The following TMC2 variants were observed in gnomAD, a reference collection of about 807,000 sequenced individuals.
TMC2 encodes transmembrane channel like 2, also known as transmembrane channel-like protein 2.
TMC2 carries 102 observed loss-of-function variants against 105.9 expected under a neutral mutation model. The ratio of observed to expected loss-of-function variants is 0.96; its 90% CI spans 0.82 to 1.14. The LOEUF (loss-of-function observed/expected upper bound fraction) is 1.14. Among genes scored for constraint, TMC2 ranks in the 50% most tolerant of loss-of-function variants. TMC2 has a pLI of 0.00. For missense variants in TMC2, 1,093 were observed against 1,134.3 expected (o/e 0.96, Z 0.52); for synonymous variants, 402 against 422.8 (o/e 0.95, Z 0.60).
intron 13 of TMC2, 84 bp downstream of exon 13, chr20:2,612,424 A>C: frequency 7.7e-7 from 1 of 1,302,408 alleles, no homozygotes; most frequent in Non-Finnish European, 1.0e-6. Context: ...TTGAGGAATA[A>C]CCCTGAAAAC....
chr20:2,569,313 G>T (rs1382688579), intron 4 of TMC2, among the ~76,000 whole-genome samples: 1 of 152,202 alleles, frequency 6.6e-6, no homozygotes, highest in Non-Finnish European at 1.5e-5. Context: ...TGATTCATTT[G>T]TTTCTCATCC....
At chr20:2,619,609 G>A (rs2086510204) in intron 16 of TMC2, among the ~76,000 whole-genome samples, 1 of 152,190 alleles carries the variant, frequency 6.6e-6, no homozygotes, top group South Asian at 2.1e-4. Context: ...AGGGATGTTA[G>A]CAGGAGTGTT....
At chr20:2,601,335 A>G (rs1431988921) in intron 10 of TMC2, among the ~76,000 whole-genome samples, 1 of 152,272 alleles carries the variant, frequency 6.6e-6, no homozygotes, top group Non-Finnish European at 1.5e-5. Context: ...GAGAGACCAT[A>G]TGACCAGCAA....
chr20:2,550,558 A>G (rs2085950755), intron 2 of TMC2, among the ~76,000 whole-genome samples: 1 of 152,180 alleles, frequency 6.6e-6, no homozygotes, highest in Non-Finnish European at 1.5e-5. Flanking sequence ...TGACAAATGC[A>G]TAATATATCA....
intron 16 of TMC2, among the ~76,000 whole-genome samples, chr20:2,622,527 G>A (rs1281487023): frequency 3.3e-5 from 5 of 152,036 alleles, no homozygotes; most frequent in African/African-American, 1.2e-4. Flanking sequence ...AATTAGCCGG[G>A]CGTAGTGGTG....
chr20:2,634,263 C>T (rs1368149901), intron 17 of TMC2, among the ~76,000 whole-genome samples: 4 of 152,188 alleles, frequency 2.6e-5, no homozygotes, highest in Non-Finnish European at 1.5e-5. Context: ...TCTGCAATGG[C>T]GCCTCTCCTT....
intron 11 of TMC2, among the ~76,000 whole-genome samples, chr20:2,605,111 T>A (rs1371420571): frequency 1.3e-5 from 2 of 152,188 alleles, no homozygotes; most frequent in African/African-American, 4.8e-5. Context: ...CTGTGGAGTC[T>A]GTGCTCACTC....
rs944567963 is a variant in TMC2 at position 2,561,861 on chromosome 20, A to T, written c.405A>T (p.Ser135=). Residue 135 remains serine, a synonymous_variant, in exon 4 of 20, where the codon TCA becomes TCT. Transcript: ENST00000358864. ...TCCGCCCTGGCTCTGCCTCCAGGTC[A>T]TCCTCCTTGGCCTCCAGTGCCTCTG... The part of the protein sequence containing the change: ...EKSKRQKKPR[S]SSLASSASGG... 13 of 1,613,072 alleles carry T rather than the reference A, an allele frequency of 8.1e-6. No individual in the cohort carries two copies. Among genetic ancestry groups the T allele is most frequent in the Middle Eastern group, 1.7e-4 (1 of 6,040 alleles).
At chr20:2,609,133 T>A (rs1380080505) in intron 11 of TMC2, among the ~76,000 whole-genome samples, 4 of 151,918 alleles carry the variant, frequency 2.6e-5, no homozygotes, top group African/African-American at 9.7e-5. Flanking sequence ...AGCAATGGAG[T>A]CAGGATTAGG....
chr20:2,538,560 C>T (rs944752913), intron 2 of TMC2, among the ~76,000 whole-genome samples: 11 of 152,296 alleles, frequency 7.2e-5, no homozygotes, highest in African/African-American at 2.6e-4. Flanking sequence ...CCGTCCCTTC[C>T]GCACCCAGCC....
chr20:2,552,805 C>T (rs556939346), intron 2 of TMC2, among the ~76,000 whole-genome samples: 2 of 152,092 alleles, frequency 1.3e-5, no homozygotes, highest in South Asian at 2.1e-4. Flanking sequence ...CATGAGCCAC[C>T]GTGACCTGCC....
chr20:2,600,986 G>GAA (rs55710696), intron 10 of TMC2, among the ~76,000 whole-genome samples: 33 of 90,546 alleles, frequency 3.6e-4, no homozygotes, highest in South Asian at 1.1e-3. Flanking sequence ...GACTGTCTCA[G>GAA]AAAAAAAAAA....
At position 2,579,165 on chromosome 20, in the gene TMC2, G is replaced by T; in HGVS notation, c.665G>T (p.Arg222Ile). ...TTTCAGAAATGGGTCAAATTTAAGA[G>T]AGACTTTGATAATTTCAAGACTCAA... is the stretch of plus-strand genomic sequence containing the variant. ...LMAKKWVKFK[R>I]DFDNFKTQCI... is the part of the protein sequence containing the mutation. Residue 222 changes from arginine to isoleucine, a missense_variant, in exon 6 of 20, where the codon AGA becomes ATA. Transcript: ENST00000358864. The T allele has an allele frequency of 6.3e-7, 1 of 1,592,288 alleles. No homozygotes were observed.
chr20:2,581,060 C>T (rs989901720), intron 7 of TMC2, among the ~76,000 whole-genome samples: 14 of 152,164 alleles, frequency 9.2e-5, no homozygotes, highest in African/African-American at 3.4e-4. Context: ...TTTTCTTCCT[C>T]ACAGGTGTAT....
At chr20:2,550,009 C>T (rs1394639034) in intron 2 of TMC2, among the ~76,000 whole-genome samples, 6 of 151,948 alleles carry the variant, frequency 3.9e-5, no homozygotes, top group African/African-American at 1.5e-4. Flanking sequence ...ATGGTAAAAC[C>T]CCGTCTCTAC....
intron 11 of TMC2, among the ~76,000 whole-genome samples, chr20:2,608,423 G>A (rs2086410839): frequency 6.6e-6 from 1 of 151,710 alleles, no homozygotes; most frequent in South Asian, 2.1e-4. Flanking sequence ...CGCCTCCCAG[G>A]TTCAAGTGAT....
chr20:2,640,022 G>A (rs1001302086), intron 19 of TMC2, among the ~76,000 whole-genome samples: 7 of 152,126 alleles, frequency 4.6e-5, no homozygotes, highest in Admixed American at 1.3e-4. Flanking sequence ...ACACTCTGTC[G>A]CCCAGGCTGG....
intron 5 of TMC2, 55 bp from the exon 6 acceptor site, chr20:2,579,091 T>C: frequency 9.8e-7 from 1 of 1,025,058 alleles, no homozygotes; most frequent in Non-Finnish European, 1.5e-6. Flanking sequence ...TCATGCCCCT[T>C]TGTGCTCCAG....
chr20:2,629,709 C>A (rs2086590033), intron 17 of TMC2, among the ~76,000 whole-genome samples: 1 of 152,124 alleles, frequency 6.6e-6, no homozygotes, highest in Non-Finnish European at 1.5e-5. Context: ...GCAGTCACCC[C>A]CTTAGTCAGG....
Sources: gnomAD v4.1 joint callset for allele counts (sites outside exome capture counted in the v4.1 genomes callset) on GRCh38, gnomAD v4.1.1 for gene constraint, MANE v1.5 for transcripts, NCBI Gene and HGNC (gene_info 2026-07-23, HGNC 2026-07-21) for gene names.